Variants in NREP observed in about 807,000 individuals in gnomAD.
NREP encodes neuronal regeneration-related protein.
Under a neutral mutation model 8.6 loss-of-function variants are expected in NREP, and 5 were observed. The ratio of observed to expected loss-of-function variants is 0.58; its 90% CI spans 0.30 to 1.22. NREP has a LOEUF of 1.22. Among genes scored for constraint, NREP ranks in the 50% most tolerant of loss-of-function variants. The pLI, the probability that NREP is intolerant of heterozygous loss-of-function variation, is 0.07. For synonymous variants in NREP, 27 were observed against 28.0 expected (o/e 0.96, Z 0.11); for missense variants, 86 against 82.5 (o/e 1.04, Z -0.17).
intron 2 of NREP, among the ~76,000 whole-genome samples, chr5:111,938,150 T>C (rs1755733451): frequency 6.6e-6 from 1 of 152,024 alleles, no homozygotes; most frequent in African/African-American, 2.4e-5. Flanking sequence ...AGTAACACAC[T>C]CTTCCTGGCC....
At chr5:111,788,102 C>A (rs999396362) in intron 2 of NREP, among the ~76,000 whole-genome samples, 3 of 152,032 alleles carry the variant, frequency 2.0e-5, no homozygotes, top group Non-Finnish European at 4.4e-5. Flanking sequence ...ACAACAACAA[C>A]AAGAAAAATC....
chr5:111,933,884 T>C (rs1476720973), intron 2 of NREP, among the ~76,000 whole-genome samples: 1 of 152,124 alleles, frequency 6.6e-6, no homozygotes, highest in Non-Finnish European at 1.5e-5. Flanking sequence ...AAAGGGTCTG[T>C]AACCAAAATG....
At chr5:111,928,368 T>C (rs1391118665) in intron 2 of NREP, among the ~76,000 whole-genome samples, 1 of 152,104 alleles carries the variant, frequency 6.6e-6, no homozygotes, top group East Asian at 1.9e-4. Context: ...TCTTTCCTTA[T>C]AAGGAAAATG....
intron 2 of NREP, among the ~76,000 whole-genome samples, chr5:111,855,860 T>G (rs6594550): frequency 0.98 from 149,870 of 152,226 alleles, 73,819 homozygotes; most frequent in East Asian, 1. Context: ...GCACACCAAA[T>G]GTAGCTTGGA....
At chr5:111,843,713 C>A (rs1257679209) in intron 2 of NREP, among the ~76,000 whole-genome samples, 2 of 152,126 alleles carry the variant, frequency 1.3e-5, no homozygotes, top group Non-Finnish European at 2.9e-5. Context: ...GCTGGGAAAG[C>A]CCTTTACCAG....
chr5:111,772,726 T>A (rs888401966), intron 2 of NREP, among the ~76,000 whole-genome samples: 8 of 152,102 alleles, frequency 5.3e-5, no homozygotes, highest in African/African-American at 1.9e-4. Context: ...ATGTTTCCCA[T>A]GAAGACACAA....
chr5:111,863,997 C>T (rs1362106563), intron 2 of NREP, among the ~76,000 whole-genome samples: 1 of 152,056 alleles, frequency 6.6e-6, no homozygotes, highest in Non-Finnish European at 1.5e-5. Context: ...ATTTGTCAGG[C>T]AGTTACAGAG....
intron 2 of NREP, among the ~76,000 whole-genome samples, chr5:111,807,550 T>G (rs1024204245): frequency 7.2e-5 from 11 of 152,132 alleles, no homozygotes; most frequent in Non-Finnish European, 1.6e-4. Context: ...ATAGCGGGTT[T>G]TAAAGACAAT....
chr5:111,917,071 C>G (rs1199052621), intron 2 of NREP, among the ~76,000 whole-genome samples: 2 of 152,118 alleles, frequency 1.3e-5, no homozygotes, highest in African/African-American at 4.8e-5. Flanking sequence ...CTTTCGGGGT[C>G]TTGTGTCCCT....
chr5:111,767,447 A>T (rs1268306541), intron 2 of NREP, among the ~76,000 whole-genome samples: 1 of 152,166 alleles, frequency 6.6e-6, no homozygotes, highest in Non-Finnish European at 1.5e-5. Flanking sequence ...GCACATTTCT[A>T]CCTGAAGGAC....
At chr5:111,907,540 CGTCT>C (rs1344740324) in intron 2 of NREP, among the ~76,000 whole-genome samples, 1 of 152,036 alleles carries the variant, frequency 6.6e-6, no homozygotes, top group African/African-American at 2.4e-5. Context: ...TTAGCCTACT[CGTCT>C]ATTCCTTTGC....
intron 2 of NREP, among the ~76,000 whole-genome samples, chr5:111,870,251 G>A (rs1231663203): frequency 2.6e-5 from 4 of 152,076 alleles, no homozygotes; most frequent in East Asian, 1.9e-4. Context: ...CCAACATGGC[G>A]AAACCCTGTC....
chr5:111,951,407 A>G (rs1581245662), intron 2 of NREP, among the ~76,000 whole-genome samples: 1 of 152,080 alleles, frequency 6.6e-6, no homozygotes, highest in East Asian at 1.9e-4. Context: ...TGTAGCCTAA[A>G]TATGGCCCAC....
intron 2 of NREP, among the ~76,000 whole-genome samples, chr5:111,832,292 C>T (rs1302194838): frequency 2.0e-5 from 3 of 152,022 alleles, no homozygotes; most frequent in Non-Finnish European, 4.4e-5. Flanking sequence ...CCGAGGCAGG[C>T]AGATCACTAG....
chr5:111,869,263 C>T (rs1242341250), intron 2 of NREP, among the ~76,000 whole-genome samples: 1 of 152,144 alleles, frequency 6.6e-6, no homozygotes, highest in Non-Finnish European at 1.5e-5. Context: ...CCTAGAGGCT[C>T]ATTAAAAATG....
At chr5:111,735,681 G>A (rs980640705) in intron 2 of NREP, among the ~76,000 whole-genome samples, 174 bp from the exon 3 acceptor site, 2 of 152,192 alleles carry the variant, frequency 1.3e-5, no homozygotes, top group African/African-American at 4.8e-5. Flanking sequence ...TTCTGAACAC[G>A]CACTGCACTC....
chr5:111,837,104 AT>A (rs1007468566), intron 2 of NREP, among the ~76,000 whole-genome samples: 4 of 151,966 alleles, frequency 2.6e-5, no homozygotes, highest in African/African-American at 7.2e-5. Flanking sequence ...GAAAAATAAA[AT>A]TTTTTTTGGC....
intron 2 of NREP, among the ~76,000 whole-genome samples, chr5:111,873,265 G>T (rs191477714): frequency 2.4e-4 from 37 of 152,266 alleles, no homozygotes; most frequent in Admixed American, 1.7e-3. Flanking sequence ...ACACAGAGAA[G>T]AAGAACGGTA....
At chr5:111,942,203 C>T (rs1158264501) in intron 2 of NREP, among the ~76,000 whole-genome samples, 5 of 152,036 alleles carry the variant, frequency 3.3e-5, no homozygotes, top group Admixed American at 6.6e-5. Context: ...AATAAAATTT[C>T]AATCCTGATG....
Sources: gnomAD v4.1 joint callset for allele counts (sites outside exome capture counted in the v4.1 genomes callset) on GRCh38, gnomAD v4.1.1 for gene constraint, MANE v1.5 for transcripts, NCBI Gene and HGNC (gene_info 2026-07-23, HGNC 2026-07-21) for gene names.